RDX: variants seen among roughly 807,000 people sequenced by gnomAD.
The protein encoded by RDX is radixin.
In RDX, 32 loss-of-function variants were observed where a neutral mutation model predicts 83.7. The observed-to-expected ratio is 0.38, with a 90% CI of 0.29 to 0.51. The LOEUF is 0.51. Ranked by LOEUF, RDX falls within the 20% of genes least tolerant of loss-of-function variation. The pLI is 0.87. For missense variants in RDX, 600 were observed against 689.9 expected (o/e 0.87, Z 1.46); for synonymous variants, 229 against 222.7 (o/e 1.03, Z -0.25).
At chr11:110,200,627 T>C (rs1863368550) in intron 14 of RDX, among the ~76,000 whole-genome samples, 2 of 152,198 alleles carry the variant, frequency 1.3e-5, no homozygotes, top group Non-Finnish European at 2.9e-5. Flanking sequence ...AGTGATTTTG[T>C]TTCTAGGCAG....
At chr11:110,208,676 T>C (rs895187583) in intron 14 of RDX, among the ~76,000 whole-genome samples, 1 of 152,140 alleles carries the variant, frequency 6.6e-6, no homozygotes, top group African/African-American at 2.4e-5. Context: ...TTTAAAAAAA[T>C]AGCCAGGTGT....
At chr11:110,183,254 G>A (rs1862923381) in intron 15 of RDX, among the ~76,000 whole-genome samples, 1 of 152,228 alleles carries the variant, frequency 6.6e-6, no homozygotes, top group Non-Finnish European at 1.5e-5. Context: ...CCCAGTCTAC[G>A]TGGAGGGAGG....
rs536133196 is a variant in RDX, at chr11:110,254,696, G to A, written c.796-587C>T. ...TCACCACGTTGGCCAGGCTGGTCTT[G>A]AACTCCTCATCTCAGGTGATCTGCT... On this transcript the variant is annotated intron_variant, in intron 8 of 13. Transcript: ENST00000645495. 2.0e-5 allele frequency among the ~76,000 whole-genome samples: 3 copies of A among 152,120 alleles called. 1 individual carries two copies. The highest frequency in any genetic ancestry group is 2.0e-4 in the Admixed American group (3 of 15,270).
At chr11:110,293,084 T>C (rs545582881) in intron 1 of RDX, among the ~76,000 whole-genome samples, 16 of 152,340 alleles carry the variant, frequency 1.1e-4, no homozygotes, top group African/African-American at 3.4e-4. Context: ...GATGAAAACA[T>C]GAGAAATATG....
chr11:110,254,801 A>G (rs1859478490), intron 8 of RDX, among the ~76,000 whole-genome samples: 1 of 152,108 alleles, frequency 6.6e-6, no homozygotes, highest in South Asian at 2.1e-4. Flanking sequence ...TTACCTTTTC[A>G]GTAACTAACA....
intron 14 of RDX, among the ~76,000 whole-genome samples, chr11:110,207,386 T>G (rs903451127): frequency 2.6e-5 from 4 of 152,224 alleles, no homozygotes; most frequent in African/African-American, 9.6e-5. Flanking sequence ...TGCACGCTAG[T>G]GTGAGAACCA....
At chr11:110,219,448 G>T (rs1014365801) in intron 14 of RDX, among the ~76,000 whole-genome samples, 1 of 152,220 alleles carries the variant, frequency 6.6e-6, no homozygotes, top group Admixed American at 6.5e-5. Context: ...CTTACCTGTT[G>T]TAAGATCTTA....
At chr11:110,261,772 C>T (rs1444617133) in intron 5 of RDX, among the ~76,000 whole-genome samples, 1 of 152,160 alleles carries the variant, frequency 6.6e-6, no homozygotes, top group African/African-American at 2.4e-5. Context: ...GCACTAGCAA[C>T]CACAAGCAAC....
intron 1 of RDX, among the ~76,000 whole-genome samples, chr11:110,282,572 G>T (rs1860806821): frequency 1.3e-5 from 2 of 152,124 alleles, no homozygotes; most frequent in Admixed American, 6.6e-5. Context: ...GTCAGTCATG[G>T]TATATCTAAG....
chr11:110,295,541 C>T (rs1383959023), intron 1 of RDX, among the ~76,000 whole-genome samples: 1 of 150,338 alleles, frequency 6.7e-6, no homozygotes, highest in African/African-American at 2.5e-5. Flanking sequence ...ACATTTCCAA[C>T]CTAGTAACTA....
Position 110,232,747 on chromosome 11 carries a change from TGGGATTACA to T in RDX, c.1587+481_1587+489del, listed in dbSNP as rs370424832. 2.2e-3 allele frequency among the ~76,000 whole-genome samples: 336 copies of T among 152,210 alleles called. 2 individuals carry two copies. Among genetic ancestry groups the T allele is most frequent in the African/African-American group, 7.8e-3 (323 of 41,536 alleles). ...GCAATACCTCAGCCTCCCAAGTAAC[TGGGATTACA>T]GGCTCATACCACCATACCCGGCTAA... On this transcript the variant is annotated intron_variant, in intron 13 of 13. Coordinates refer to ENST00000645495, the MANE Select transcript of RDX (RefSeq NM_002906.4).
chr11:110,264,720 C>T, intron 4 of RDX, 59 bp downstream of exon 4: 1 of 1,288,350 alleles, frequency 7.8e-7, no homozygotes, highest in Non-Finnish European at 1.1e-6. Context: ...TTTTCCAGCA[C>T]AAATTCATAA....
At chr11:110,247,631 T>C in intron 10 of RDX, 72 bp downstream of exon 10, 1 of 1,498,850 alleles carries the variant, frequency 6.7e-7, no homozygotes, top group Non-Finnish European at 9.1e-7. Flanking sequence ...TTAAGAGTAC[T>C]AAAAAAAATA....
intron 14 of RDX, among the ~76,000 whole-genome samples, chr11:110,203,429 A>G (rs1027412566): frequency 3.3e-5 from 5 of 151,744 alleles, no homozygotes; most frequent in East Asian, 1.9e-4. Context: ...AAAAAAAAAA[A>G]AAAGTAGAAA....
chr11:110,209,650 C>G (rs1863752646), intron 14 of RDX, among the ~76,000 whole-genome samples: 1 of 148,164 alleles, frequency 6.7e-6, no homozygotes, highest in African/African-American at 2.5e-5. Context: ...TGAGAACGGG[C>G]AGACTGCCTC....
chr11:110,193,637 T>A (rs1474877418), intron 15 of RDX, among the ~76,000 whole-genome samples: 1 of 152,162 alleles, frequency 6.6e-6, no homozygotes, highest in Non-Finnish European at 1.5e-5. Flanking sequence ...CTTTCCCTCT[T>A]CCAAAGAAGA....
At chr11:110,192,362 C>T (rs1341137766) in intron 15 of RDX, among the ~76,000 whole-genome samples, 2 of 152,184 alleles carry the variant, frequency 1.3e-5, no homozygotes, top group African/African-American at 2.4e-5. Flanking sequence ...AGACCACTAC[C>T]TTTCACCATA....
chr11:110,277,102 C>T (rs1347153248), intron 2 of RDX, among the ~76,000 whole-genome samples: 1 of 152,144 alleles, frequency 6.6e-6, no homozygotes. Context: ...TTCTATACTT[C>T]CAGAATCTTT....
chr11:110,226,066 CAAA>C (rs56228784), downstream of RDX, among the ~76,000 whole-genome samples: 6 of 110,836 alleles, frequency 5.4e-5, no homozygotes, highest in Non-Finnish European at 7.1e-5. Flanking sequence ...AACTCCATCT[CAAA>C]AAAAAAAAAA....
Sources: gnomAD v4.1 joint callset for allele counts (sites outside exome capture counted in the v4.1 genomes callset) on GRCh38, gnomAD v4.1.1 for gene constraint, MANE v1.5 for transcripts, NCBI Gene and HGNC (gene_info 2026-07-23, HGNC 2026-07-21) for gene names.